Variants in PARD3 observed in about 807,000 individuals in gnomAD.
PARD3 encodes par-3 family cell polarity regulator, also known as partitioning defective 3 homolog.
A neutral mutation model predicts 155.4 loss-of-function variants in PARD3; 75 were observed. That is an observed-to-expected ratio of 0.48 (90% confidence interval 0.40 to 0.58). PARD3 has a LOEUF of 0.58. Among genes scored for constraint, PARD3 ranks in the 20% least tolerant of loss-of-function variants. PARD3 has a pLI of 0.00. For missense variants in PARD3, 1,642 were observed against 1,721.7 expected (o/e 0.95, Z 0.82); for synonymous variants, 576 against 610.5 (o/e 0.94, Z 0.83).
intron 1 of PARD3, among the ~76,000 whole-genome samples, chr10:34,733,843 CAAAATT>C (rs1355348394): frequency 1.3e-5 from 2 of 151,946 alleles, no homozygotes; most frequent in African/African-American, 2.4e-5. Context: ...AAAGCAGACT[CAAAATT>C]AATATAAACC....
At chr10:34,591,215 C>A (rs140028086) in intron 2 of PARD3, among the ~76,000 whole-genome samples, 7 of 152,098 alleles carry the variant, frequency 4.6e-5, no homozygotes, top group Non-Finnish European at 7.3e-5. Flanking sequence ...GAGCCTGGAC[C>A]TGCTTGCCAA....
chr10:34,745,198 C>T (rs1023118824), intron 1 of PARD3, among the ~76,000 whole-genome samples: 2 of 152,002 alleles, frequency 1.3e-5, no homozygotes, highest in Non-Finnish European at 2.9e-5. Context: ...CTCGTTTCTA[C>T]AAAAAATGTT....
chr10:34,548,788 T>C (rs921848629), intron 2 of PARD3, among the ~76,000 whole-genome samples: 1 of 150,894 alleles, frequency 6.6e-6, no homozygotes, highest in African/African-American at 2.4e-5. Flanking sequence ...GTTTTGCAAA[T>C]ACTTTGAACA....
At chr10:34,716,028 T>A (rs1231784847) in intron 1 of PARD3, among the ~76,000 whole-genome samples, 1 of 152,218 alleles carries the variant, frequency 6.6e-6, no homozygotes, top group East Asian at 1.9e-4. Context: ...CAGTTTCAAA[T>A]ACAGACATCC....
intron 20 of PARD3, among the ~76,000 whole-genome samples, chr10:34,308,940 G>A (rs377137769): frequency 6.6e-6 from 1 of 152,136 alleles, no homozygotes; most frequent in South Asian, 2.1e-4. Flanking sequence ...AGCTGGCAAA[G>A]TTGGTCTCAA....
chr10:34,350,406 A>G (rs1837925270), intron 14 of PARD3, among the ~76,000 whole-genome samples: 1 of 152,202 alleles, frequency 6.6e-6, no homozygotes, highest in East Asian at 1.9e-4. Context: ...GCACTTTGGA[A>G]GGCCGAGGCG....
At chr10:34,606,344 A>AG (rs1308339645) in intron 2 of PARD3, among the ~76,000 whole-genome samples, 2 of 151,908 alleles carry the variant, frequency 1.3e-5, no homozygotes, top group Admixed American at 6.6e-5. Flanking sequence ...AGTCACCCAG[A>AG]GGAGGAGAAA....
chr10:34,582,951 T>C (rs1382251112), intron 2 of PARD3, among the ~76,000 whole-genome samples: 1 of 152,200 alleles, frequency 6.6e-6, no homozygotes, highest in East Asian at 1.9e-4. Context: ...CATGAGGTGA[T>C]ACTGCTAAGA....
At chr10:34,602,902 C>A (rs2132514825) in intron 2 of PARD3, among the ~76,000 whole-genome samples, 1 of 152,168 alleles carries the variant, frequency 6.6e-6, no homozygotes, top group South Asian at 2.1e-4. Flanking sequence ...TAACAGAAAG[C>A]AAAACTGAGG....
intron 20 of PARD3, among the ~76,000 whole-genome samples, chr10:34,297,837 C>T (rs778274985): frequency 6.6e-6 from 1 of 152,228 alleles, no homozygotes; most frequent in Non-Finnish European, 1.5e-5. Flanking sequence ...TTTCTCCTTA[C>T]TAGTAAAACC....
intron 1 of PARD3, among the ~76,000 whole-genome samples, chr10:34,762,644 T>C (rs1377752449): frequency 1.3e-5 from 2 of 152,102 alleles, no homozygotes; most frequent in African/African-American, 2.4e-5. Flanking sequence ...ATCTATATGA[T>C]GTTAAATACT....
intron 22 of PARD3, among the ~76,000 whole-genome samples, chr10:34,236,148 A>G (rs1416180397): frequency 2.0e-5 from 3 of 152,178 alleles, no homozygotes; most frequent in Admixed American, 2.0e-4. Context: ...GGTAACCTAC[A>G]GCTTATGATC....
Position 34,276,693 on chromosome 10 carries a change from C to T in PARD3, c.3177-6794G>A, listed in dbSNP as rs1837691. On this transcript the variant is annotated intron_variant, in intron 21 of 24. Coordinates refer to ENST00000374788, the MANE Select transcript of PARD3 (RefSeq NM_001184785.2). ...TGACCAAACTCCTTAGGATGGAAAA[C>T]CAGTGGTGTCCTTAAACCTCTCAGT... is the stretch of plus-strand genomic sequence containing the variant. 4.8e-3 allele frequency among the ~76,000 whole-genome samples: 732 copies of T among 152,160 alleles called. 9 individuals are homozygous for T. The highest frequency in any genetic ancestry group is 0.017 in the African/African-American group (706 of 41,510).
At chr10:34,437,361 A>C (rs2076240852) in intron 5 of PARD3, among the ~76,000 whole-genome samples, 1 of 152,182 alleles carries the variant, frequency 6.6e-6, no homozygotes, top group Non-Finnish European at 1.5e-5. Flanking sequence ...TGATTTCCAA[A>C]ACTCAAAATA....
intron 2 of PARD3, among the ~76,000 whole-genome samples, chr10:34,692,703 A>C (rs1055191681): frequency 6.6e-6 from 1 of 152,098 alleles, no homozygotes; most frequent in Admixed American, 6.6e-5. Flanking sequence ...GACAAAACCC[A>C]TATCTACTAA....
Position 34,125,591 on chromosome 10 carries a change from G to A in PARD3, c.3541-5851C>T, listed in dbSNP as rs184056361. Among the ~76,000 whole-genome samples the A allele has an allele frequency of 3.9e-5, 6 of 152,354 alleles. No homozygotes were observed. The East Asian group carries it at 1.2e-3, about 29-fold the overall frequency. ...GGGAGGCAATCTAGTGGTACAGAGTGGCTGTGTGCTATGACTGCCTTGCCA... is the reference window on the plus strand; with the variant it reads ...GGGAGGCAATCTAGTGGTACAGAGTAGCTGTGTGCTATGACTGCCTTGCCA... On this transcript the variant is annotated intron_variant, in intron 23 of 24. Coordinates refer to ENST00000374788, the MANE Select transcript of PARD3 (RefSeq NM_001184785.2).
At chr10:34,303,840 CAG>C (rs1237533608) in intron 20 of PARD3, among the ~76,000 whole-genome samples, 1 of 152,020 alleles carries the variant, frequency 6.6e-6, no homozygotes, top group Non-Finnish European at 1.5e-5. Context: ...GACAAGGAGA[CAG>C]AGGAATGAGC....
intron 1 of PARD3, among the ~76,000 whole-genome samples, chr10:34,733,847 A>T (rs974282832): frequency 3.9e-5 from 6 of 152,208 alleles, no homozygotes; most frequent in African/African-American, 1.4e-4. Context: ...CAGACTCAAA[A>T]TTAATATAAA....
At chr10:34,244,130 A>G (rs1393728514) in intron 22 of PARD3, among the ~76,000 whole-genome samples, 1 of 152,226 alleles carries the variant, frequency 6.6e-6, no homozygotes, top group African/African-American at 2.4e-5. Flanking sequence ...TGTGGTAATA[A>G]GCTTAATATC....
Sources: gnomAD v4.1 joint callset for allele counts (sites outside exome capture counted in the v4.1 genomes callset) on GRCh38, gnomAD v4.1.1 for gene constraint, MANE v1.5 for transcripts, NCBI Gene and HGNC (gene_info 2026-07-23, HGNC 2026-07-21) for gene names.